The following OBI1 variants were observed in gnomAD, a reference collection of about 807,000 sequenced individuals.
The protein encoded by OBI1 is ring finger protein 219.
In OBI1, 59 loss-of-function variants were observed where a neutral mutation model predicts 62.4. The ratio of observed to expected loss-of-function variants is 0.95; its 90% confidence interval spans 0.77 to 1.17. The LOEUF (loss-of-function observed/expected upper bound fraction) is 1.17, where lower values mean the gene tolerates loss of function less well. Among genes scored for constraint, OBI1 ranks in the 50% most tolerant of loss-of-function variants. The probability of loss-of-function intolerance (pLI) is 0.00; values close to 1 mark genes in which losing one functional copy is unlikely to be tolerated. For synonymous variants in OBI1, 302 were observed against 292.8 expected (o/e 1.03, Z -0.32); for missense variants, 875 against 830.9 (o/e 1.05, Z -0.65).
At position 78,616,229 on chromosome 13, in the gene OBI1, A is replaced by C; in HGVS notation, c.1532T>G (p.Leu511Trp). 1 of 1,614,016 alleles carries C rather than the reference A, an allele frequency of 6.2e-7. No individual in the cohort carries two copies. Among genetic ancestry groups the C allele is most frequent in the Non-Finnish European group, 8.5e-7 (1 of 1,179,934 alleles). Residue 511 changes from leucine to tryptophan, a missense_variant, in exon 6 of 6, where the codon TTG becomes TGG. Coordinates refer to ENST00000282003, the MANE Select transcript of OBI1 (RefSeq NM_024546.4). The stretch of plus-strand genomic sequence containing the variant: ...CATTTCAAAAGAGCGAATAGAATTC[A>C]ACCTTTTGGATAAACATAAGCCTGA... ...EKSGLCLSKR[L>W]NSIRSFEMNR... is the part of the protein sequence containing the mutation.
At chr13:78,653,009 C>G (rs990145865) in intron 1 of OBI1, among the ~76,000 whole-genome samples, 2 of 152,128 alleles carry the variant, frequency 1.3e-5, no homozygotes, top group African/African-American at 4.8e-5. Flanking sequence ...TATTTCATTT[C>G]TTTTAAAGAT....
chr13:78,658,421 T>C (rs1876774436), intron 1 of OBI1, among the ~76,000 whole-genome samples: 1 of 152,032 alleles, frequency 6.6e-6, no homozygotes, highest in East Asian at 1.9e-4. Flanking sequence ...AAAGAGAGAG[T>C]ATTCTATCTC....
chr13:78,659,134 A>G lies in OBI1; in HGVS notation c.-14T>C. 1.2e-6 allele frequency: 2 copies of G among 1,607,704 alleles called. No individual in the cohort carries two copies. The highest frequency in any genetic ancestry group is 1.7e-6 in the Non-Finnish European group (2 of 1,177,236). On this transcript the variant is annotated 5_prime_UTR_variant, in exon 1 of 6. Transcript: ENST00000282003. ...GGTCTGAGCCATGGCAGCGTTCAGA[A>G]TCCCGCCAACACGGAAGTCCCGCCG...
chr13:78,616,547 T>C lies in OBI1; in HGVS notation c.1214A>G (p.Asn405Ser). 1 of 1,614,062 alleles carries C rather than the reference T, an allele frequency of 6.2e-7. No homozygotes were observed. The highest frequency in any genetic ancestry group is 8.5e-7 in the Non-Finnish European group (1 of 1,179,994). ...LSCLQLSTPE[N>S]RESSVVQAGG... Reference sequence around the variant, plus strand: ...TGCTTGGACCACAGAGCTCTCTCTATTTTCTGGAGTACTGAGCTGAAGGCA... The same window carrying C: ...TGCTTGGACCACAGAGCTCTCTCTACTTTCTGGAGTACTGAGCTGAAGGCA... The change falls in exon 6 of 6, where the codon AAT becomes AGT. Residue 405 changes from asparagine to serine, a missense_variant. Transcript: ENST00000282003.
rs144757901 is a variant in OBI1 at position 78,617,488 on chromosome 13, G to C, written c.639-366C>G. ...ATGGCAAAGATTTATGATAACATTT[G>C]AACAGTGGTCTACATCTTGAAATAT... On this transcript the variant is annotated intron_variant, in intron 5 of 5. Coordinates refer to ENST00000282003, the MANE Select transcript of OBI1 (RefSeq NM_024546.4). Among the ~76,000 whole-genome samples the C allele has an allele frequency of 4.5e-3, 678 of 152,308 alleles. 3 individuals carry two copies. Among genetic ancestry groups the C allele is most frequent in the African/African-American group, 0.015 (603 of 41,562 alleles).
In OBI1 at chr13:78,642,217, T is replaced by C. The variant is rs772296294; in HGVS notation, c.209-4A>G. ...GGTTCACTTTCACTTGTTCCTCCTGTAGGGAAAAAAAAAAAAATCCTAATT... is the reference window on the plus strand; with the variant it reads ...GGTTCACTTTCACTTGTTCCTCCTGCAGGGAAAAAAAAAAAAATCCTAATT... On this transcript the variant is annotated splice_region_variant and splice_polypyrimidine_tract_variant and intron_variant, in intron 2 of 5. Coordinates refer to ENST00000282003, the MANE Select transcript of OBI1 (RefSeq NM_024546.4). 3.1e-5 allele frequency: 48 copies of C among 1,550,004 alleles called. No homozygotes were observed. The South Asian group carries it at 3.3e-4, about 11-fold the overall frequency.
chr13:78,629,746 A>G (rs900108765), intron 5 of OBI1, among the ~76,000 whole-genome samples: 2 of 152,058 alleles, frequency 1.3e-5, no homozygotes, highest in African/African-American at 4.8e-5. Flanking sequence ...CCATGTGGGG[A>G]TGTGACACGC....
chr13:78,629,855 T>C (rs1337666918), intron 5 of OBI1, among the ~76,000 whole-genome samples: 1 of 152,020 alleles, frequency 6.6e-6, no homozygotes, highest in Admixed American at 6.5e-5. Context: ...ACTATAAAAA[T>C]AGAGGGATGA....
At chr13:78,643,618 G>A (rs1209933174) in intron 2 of OBI1, among the ~76,000 whole-genome samples, 4 of 152,104 alleles carry the variant, frequency 2.6e-5, no homozygotes, top group African/African-American at 7.2e-5. Flanking sequence ...GAGAAACCCC[G>A]TCTCTAATAA....
intron 1 of OBI1, among the ~76,000 whole-genome samples, chr13:78,648,603 A>T (rs561455167): frequency 3.8e-4 from 57 of 151,748 alleles, no homozygotes; most frequent in African/African-American, 1.1e-3. Context: ...ATCTTTCCAT[A>T]AAAAAAACAC....
rs570760764 is a variant in OBI1 at position 78,614,795 on chromosome 13, T to C, written c.*785A>G. On this transcript the variant is annotated 3_prime_UTR_variant, in exon 6 of 6. Transcript: ENST00000282003. ...TAAACCCAAGTGCTCCATGCCTTCT[T>C]TCCATAGTATGCTAAATTTCTGATT... The C allele has an allele frequency of 6.6e-6, 1 of 152,328 alleles. No individual in the cohort carries two copies. Among genetic ancestry groups the C allele is most frequent in the Admixed American group, 6.5e-5 (1 of 15,304 alleles). The allele number at this position is 152,328 out of a possible 1,614,324, so 9.4% of individuals were successfully genotyped here. A position where few individuals can be genotyped will look rare whatever the true frequency, so the allele number is the denominator to read the frequency against.
chr13:78,637,477 TA>T (rs949225468), intron 4 of OBI1, among the ~76,000 whole-genome samples: 5 of 152,316 alleles, frequency 3.3e-5, no homozygotes, highest in African/African-American at 1.2e-4. Context: ...CCATCCCTCA[TA>T]TCACCCTTAT....
At chr13:78,637,124 G>C (rs999575505) in intron 4 of OBI1, among the ~76,000 whole-genome samples, 1 of 152,148 alleles carries the variant, frequency 6.6e-6, no homozygotes, top group Non-Finnish European at 1.5e-5. Flanking sequence ...GCCTCACGAT[G>C]GTTCAAAACT....
chr13:78,632,090 C>T (rs147926535), intron 5 of OBI1, among the ~76,000 whole-genome samples: 4 of 152,100 alleles, frequency 2.6e-5, no homozygotes, highest in African/African-American at 7.2e-5. Flanking sequence ...CCTCCAAATT[C>T]GTATGTTGAA....
Position 78,644,944 on chromosome 13 carries a change from A to T in OBI1, c.126T>A (p.Ile42=), listed in dbSNP as rs200750544. 2.7e-4 allele frequency: 428 copies of T among 1,613,822 alleles called. 1 individual carries two copies. Among genetic ancestry groups the T allele is most frequent in the Non-Finnish European group, 2.8e-5 (33 of 1,179,828 alleles). The change falls in exon 2 of 6, where the codon ATT becomes ATA. Residue 42 remains isoleucine (I), a synonymous_variant. Transcript: ENST00000282003. The part of the protein sequence containing the change: ...INNHVFCSIC[I]DLWLKNNSQC... The stretch of plus-strand genomic sequence containing the variant: ...GGCTATTATTCTTCAACCACAAATC[A>T]ATACAAATCGAACAAAATACATGGT...
intron 5 of OBI1, among the ~76,000 whole-genome samples, chr13:78,623,665 T>C (rs968419026): frequency 1.3e-5 from 2 of 152,160 alleles, no homozygotes; most frequent in Admixed American, 6.5e-5. Flanking sequence ...ATATTTCATA[T>C]CAAAATGTAG....
intron 5 of OBI1, among the ~76,000 whole-genome samples, chr13:78,634,293 T>C (rs1875955636): frequency 1.3e-5 from 2 of 151,436 alleles, no homozygotes; most frequent in South Asian, 4.2e-4. Flanking sequence ...GGTCAAATGA[T>C]ATTTCTTTTT....
At chr13:78,635,643 T>TA (rs1344134929) in intron 4 of OBI1, among the ~76,000 whole-genome samples, 2 of 152,234 alleles carry the variant, frequency 1.3e-5, no homozygotes, top group African/African-American at 4.8e-5. Flanking sequence ...TTTCTAGTGA[T>TA]AACAAATCTA....
chr13:78,652,134 G>C (rs552750105), intron 1 of OBI1, among the ~76,000 whole-genome samples: 2 of 152,046 alleles, frequency 1.3e-5, no homozygotes, highest in Non-Finnish European at 2.9e-5. Context: ...GGAAGATTTC[G>C]GAAACAGGTG....
Sources: allele counts gnomAD v4.1 joint callset (sites outside exome capture counted in the v4.1 genomes callset), GRCh38; gene constraint gnomAD v4.1.1; transcripts MANE v1.5; gene names NCBI Gene and HGNC (gene_info 2026-07-23, HGNC 2026-07-21).